MARCHF1: variants seen among roughly 807,000 people sequenced by gnomAD.
MARCHF1 encodes the protein E3 ubiquitin-protein ligase MARCHF1.
A neutral mutation model predicts 54.2 loss-of-function variants in MARCHF1; 40 were observed. That is an observed-to-expected ratio of 0.74 (90% CI 0.57 to 0.96). The LOEUF (loss-of-function observed/expected upper bound fraction) is 0.96, where lower values mean the gene tolerates loss of function less well. Among genes scored for constraint, MARCHF1 ranks in the 40% least tolerant of loss-of-function variants. The pLI is 0.00. For synonymous variants in MARCHF1, 236 were observed against 236.3 expected (o/e 1.00, Z 0.01); for missense variants, 586 against 656.5 (o/e 0.89, Z 1.17).
At chr4:163,572,876 C>T (rs1253637057) in intron 8 of MARCHF1, among the ~76,000 whole-genome samples, 1 of 152,066 alleles carries the variant, frequency 6.6e-6, no homozygotes, top group Non-Finnish European at 1.5e-5. Flanking sequence ...ATCTCTCATG[C>T]TATGTATTTC....
chr4:164,292,399 G>A (rs1483791314), intron 1 of MARCHF1, among the ~76,000 whole-genome samples: 1 of 152,050 alleles, frequency 6.6e-6, no homozygotes, highest in Non-Finnish European at 1.5e-5. Flanking sequence ...TTTCTTAAAA[G>A]AGAGTTCTAC....
intron 2 of MARCHF1, among the ~76,000 whole-genome samples, chr4:164,089,033 C>A (rs1755247853): frequency 6.6e-6 from 1 of 152,116 alleles, no homozygotes; most frequent in Non-Finnish European, 1.5e-5. Context: ...CCTTCACATG[C>A]TCCTAAGATT....
chr4:163,974,926 T>G (rs536682430), intron 3 of MARCHF1, among the ~76,000 whole-genome samples: 1 of 152,290 alleles, frequency 6.6e-6, no homozygotes, highest in South Asian at 2.1e-4. Context: ...TCCAATTAAT[T>G]GAAGTCCTGA....
chr4:164,144,473 C>G (rs1438710892), intron 1 of MARCHF1, among the ~76,000 whole-genome samples: 2 of 151,884 alleles, frequency 1.3e-5, no homozygotes, highest in Non-Finnish European at 2.9e-5. Flanking sequence ...CAAACGATCT[C>G]TCAGACCACA....
At chr4:164,040,541 T>A (rs1034252962) in intron 2 of MARCHF1, among the ~76,000 whole-genome samples, 3 of 150,892 alleles carry the variant, frequency 2.0e-5, no homozygotes, top group Admixed American at 6.6e-5. Context: ...AAGTTTTTTT[T>A]GAATTTTGAA....
At chr4:163,924,815 C>T (rs1751504336) in intron 3 of MARCHF1, among the ~76,000 whole-genome samples, 1 of 151,662 alleles carries the variant, frequency 6.6e-6, no homozygotes, top group African/African-American at 2.4e-5. Context: ...TCTCTCTTTC[C>T]TATTGTTTAT....
At chr4:163,606,176 G>C (rs1741135358) in intron 7 of MARCHF1, among the ~76,000 whole-genome samples, 1 of 152,112 alleles carries the variant, frequency 6.6e-6, no homozygotes. Context: ...GTTATCACTT[G>C]TCTTTGGGCT....
At chr4:164,382,134 T>C (rs1029434752) in intron 1 of MARCHF1, among the ~76,000 whole-genome samples, 1 of 152,236 alleles carries the variant, frequency 6.6e-6, no homozygotes, top group Non-Finnish European at 1.5e-5. Context: ...CATTCATATT[T>C]AGTAAAGCCT....
At chr4:163,663,050 C>A (rs1254704995) in intron 5 of MARCHF1, among the ~76,000 whole-genome samples, 2 of 151,920 alleles carry the variant, frequency 1.3e-5, no homozygotes, top group Admixed American at 6.6e-5. Context: ...AACCTTCTAA[C>A]TGGAGTGTAA....
At chr4:164,170,253 T>C (rs992726363) in intron 1 of MARCHF1, among the ~76,000 whole-genome samples, 18 of 152,266 alleles carry the variant, frequency 1.2e-4, no homozygotes, top group Admixed American at 6.5e-4. Flanking sequence ...TACACTGTCA[T>C]GGACACAGAG....
chr4:163,529,079 A>G (rs765108949), intron 9 of MARCHF1, 33 bp from the exon 10 acceptor site: 3 of 1,551,824 alleles, frequency 1.9e-6, no homozygotes, highest in Admixed American at 3.8e-5. Context: ...TGTTATCACC[A>G]AGTTGTCCTC....
chr4:163,663,562 AT>A (rs1457016339), intron 5 of MARCHF1, among the ~76,000 whole-genome samples: 1 of 151,396 alleles, frequency 6.6e-6, no homozygotes, highest in Non-Finnish European at 1.5e-5. Context: ...TAATTGTCTT[AT>A]TTTCATCTTT....
intron 3 of MARCHF1, among the ~76,000 whole-genome samples, chr4:163,911,277 A>G (rs973026842): frequency 6.6e-6 from 1 of 152,178 alleles, no homozygotes; most frequent in East Asian, 1.9e-4. Context: ...GAAACTGCAC[A>G]TACATGGTAT....
intron 5 of MARCHF1, among the ~76,000 whole-genome samples, chr4:163,623,765 T>A (rs1451036272): frequency 6.6e-6 from 1 of 152,210 alleles, no homozygotes; most frequent in Non-Finnish European, 1.5e-5. Context: ...ATTAACTTTT[T>A]TTCTGCATTC....
chr4:163,832,511 G>T (rs1037814496), intron 4 of MARCHF1, among the ~76,000 whole-genome samples: 24 of 151,858 alleles, frequency 1.6e-4, no homozygotes, highest in Non-Finnish European at 2.9e-4. Context: ...AACTAGAAAG[G>T]TCTAGTAAAA....
At chr4:163,534,754 T>G (rs1372812354) in intron 9 of MARCHF1, among the ~76,000 whole-genome samples, 1 of 152,058 alleles carries the variant, frequency 6.6e-6, no homozygotes, top group Non-Finnish European at 1.5e-5. Context: ...ATAGACTTCT[T>G]TGATCTTAAG....
intron 5 of MARCHF1, among the ~76,000 whole-genome samples, chr4:163,648,142 A>C (rs1742828424): frequency 6.6e-6 from 1 of 151,928 alleles, no homozygotes; most frequent in Non-Finnish European, 1.5e-5. Flanking sequence ...ATAAAAATAA[A>C]ACTTGGGATT....
intron 7 of MARCHF1, among the ~76,000 whole-genome samples, chr4:163,587,617 G>T (rs914411660): frequency 1.1e-4 from 17 of 152,252 alleles, no homozygotes; most frequent in Admixed American, 1.0e-3. Context: ...TTGTTGAAGC[G>T]GGGGAGGGTG....
chr4:164,289,753 C>T (rs757456024), intron 1 of MARCHF1, among the ~76,000 whole-genome samples: 19 of 151,896 alleles, frequency 1.3e-4, no homozygotes, highest in Non-Finnish European at 1.5e-5. Context: ...CAATCAATGA[C>T]TTTTAAAAAA....
Sources: gnomAD v4.1 joint callset for allele counts (sites outside exome capture counted in the v4.1 genomes callset) on GRCh38, gnomAD v4.1.1 for gene constraint, MANE v1.5 for transcripts, NCBI Gene and HGNC (gene_info 2026-07-23, HGNC 2026-07-21) for gene names.